Variants in LPP observed in about 807,000 individuals in gnomAD.
LPP encodes the protein LIM domain containing preferred translocation partner in lipoma.
A neutral mutation model predicts 60.4 loss-of-function variants in LPP; 38 were observed. That is an observed-to-expected ratio of 0.63 (90% confidence interval 0.49 to 0.83). The LOEUF is 0.83. LPP is among the 40% of genes least tolerant of loss of function. The pLI is 0.00. For missense variants in LPP, 902 were observed against 783.6 expected (o/e 1.15, Z -1.80); for synonymous variants, 328 against 290.8 (o/e 1.13, Z -1.30).
intron 7 of LPP, among the ~76,000 whole-genome samples, chr3:188,623,936 G>C (rs1330170946): frequency 6.6e-6 from 1 of 152,116 alleles, no homozygotes; most frequent in African/African-American, 2.4e-5. Context: ...AAGTACCTAT[G>C]AATCAACCGG....
chr3:188,284,639 G>A (rs1024376172), intron 2 of LPP, among the ~76,000 whole-genome samples: 3 of 152,320 alleles, frequency 2.0e-5, no homozygotes, highest in African/African-American at 4.8e-5. Flanking sequence ...ACCCACATAC[G>A]TGCATGTGTG....
Position 188,352,755 on chromosome 3 carries a change from T to G in LPP, c.-10+11036T>G, listed in dbSNP as rs945822998. ...GAGTGCGCACTTCAGTCCTGAAAGC[T>G]GCAGAGGGATGGGCTGGTGACACTG... On this transcript the variant is annotated intron_variant, in intron 3 of 11. Coordinates refer to ENST00000617246, the MANE Select transcript of LPP (RefSeq NM_001375462.1). The surrounding 1 kb of genome is among the most constrained non-coding windows in gnomAD (Gnocchi z 4.4). Among the ~76,000 whole-genome samples, 1 of 152,110 alleles carries G rather than the reference T, an allele frequency of 6.6e-6. No homozygotes were observed. Among genetic ancestry groups the G allele is most frequent in the African/African-American group, 2.4e-5 (1 of 41,412 alleles).
chr3:188,511,107 CTT>C (rs1815387432), intron 5 of LPP, among the ~76,000 whole-genome samples: 1 of 122,026 alleles, frequency 8.2e-6, no homozygotes, highest in Non-Finnish European at 1.7e-5. Context: ...TCCCTCCCTC[CTT>C]CCTCCTTCCT....
chr3:188,794,529 T>C (rs1264856115), intron 9 of LPP, among the ~76,000 whole-genome samples: 1 of 151,922 alleles, frequency 6.6e-6, no homozygotes, highest in Non-Finnish European at 1.5e-5. Context: ...AAGGGGCAAA[T>C]AGAAAAAAAG....
At chr3:188,464,683 C>T (rs1799929862) in intron 4 of LPP, among the ~76,000 whole-genome samples, 1 of 152,110 alleles carries the variant, frequency 6.6e-6, no homozygotes, top group African/African-American at 2.4e-5. Flanking sequence ...ATATCATTGA[C>T]TACAAGGATG....
intron 9 of LPP, among the ~76,000 whole-genome samples, chr3:188,817,238 A>G (rs574853183): frequency 2.0e-5 from 3 of 152,292 alleles, no homozygotes; most frequent in African/African-American, 7.2e-5. Flanking sequence ...GGGTTGGAGT[A>G]GAATCTGGTG....
At chr3:188,731,376 G>A (rs765760951) in intron 8 of LPP, among the ~76,000 whole-genome samples, 1 of 152,114 alleles carries the variant, frequency 6.6e-6, no homozygotes, top group Admixed American at 6.5e-5. Context: ...GAAGCTCCTG[G>A]ATTATCTGGG....
chr3:188,195,257 C>CA (rs768996904), intron 1 of LPP, among the ~76,000 whole-genome samples: 8,000 of 131,646 alleles, frequency 0.061, 297 homozygotes, highest in Non-Finnish European at 0.089. Flanking sequence ...GAGACTCTGT[C>CA]AAAAAAAAAA....
intron 7 of LPP, among the ~76,000 whole-genome samples, chr3:188,701,822 A>T (rs1017852585): frequency 2.6e-5 from 4 of 151,752 alleles, no homozygotes; most frequent in Non-Finnish European, 2.9e-5. Context: ...CTTCAGAAGC[A>T]TGACTTTCAT....
At chr3:188,377,955 G>T (rs936536492) in intron 3 of LPP, among the ~76,000 whole-genome samples, 7 of 152,186 alleles carry the variant, frequency 4.6e-5, no homozygotes, top group African/African-American at 1.7e-4. Context: ...GTCTGTTGGA[G>T]TTTGCTAGAG....
chr3:188,496,865 C>G (rs905396609), intron 5 of LPP, among the ~76,000 whole-genome samples: 6 of 152,040 alleles, frequency 3.9e-5, no homozygotes, highest in African/African-American at 1.4e-4. Flanking sequence ...GTGTACAGAC[C>G]TGTTAAATGG....
At chr3:188,866,409 G>T (rs766909856) in intron 10 of LPP, 31 bp downstream of exon 10, 1 of 1,404,300 alleles carries the variant, frequency 7.1e-7, no homozygotes, top group Non-Finnish European at 9.4e-7. Flanking sequence ...TCACCACCCT[G>T]CCAGTCCTTT....
chr3:188,408,108 T>C (rs1435028381), intron 4 of LPP, among the ~76,000 whole-genome samples: 1 of 152,084 alleles, frequency 6.6e-6, no homozygotes, highest in Non-Finnish European at 1.5e-5. Flanking sequence ...TTTTCAATGT[T>C]TCCCTTTGTC....
intron 7 of LPP, among the ~76,000 whole-genome samples, chr3:188,655,794 T>A (rs1421052939): frequency 6.6e-6 from 1 of 152,188 alleles, no homozygotes; most frequent in East Asian, 1.9e-4. Context: ...ATAATCCTGA[T>A]ACCATTTTGA....
rs1770401043 is a variant in LPP, at chr3:188,884,243, G to A, written c.*9764G>A. ...CCAAAAGCTGTGACATAGCTGGGAA[G>A]TGGCAGATTTGGGGATATAACCAGG... On this transcript the variant is annotated 3_prime_UTR_variant, in exon 12 of 12. Transcript: ENST00000617246. The A allele has an allele frequency of 4.3e-6, 1 of 230,088 alleles. No individual in the cohort carries two copies. The highest frequency in any genetic ancestry group is 8.6e-6 in the Non-Finnish European group (1 of 116,136). 14.3% of individuals were successfully genotyped at this position (230,088 alleles called of 1,614,324 possible).
At chr3:188,466,804 AAC>A (rs775766147) in intron 4 of LPP, among the ~76,000 whole-genome samples, 4,388 of 72,814 alleles carry the variant, frequency 0.06, 765 homozygotes, top group East Asian at 0.18. Flanking sequence ...GTCATCTCAG[AAC>A]ATATATATAT....
Position 188,609,806 on chromosome 3 carries a change from C to T in LPP, c.1075C>T (p.Pro359Ser). The part of the protein sequence containing the change: ...TGPKKTYITD[P>S]VSAPCAPPLQ... ...TCCCAAGAAGACCTATATCACAGAT[C>T]CTGTTTCAGCCCCCTGTGCGCCACC... Residue 359 changes from proline (P) to serine (S), a missense_variant, in exon 7 of 12, where the codon CCT becomes TCT. Physicochemically the swap from Pro to Ser is moderately conservative, Grantham distance 74. Transcript: ENST00000617246. This position sits in a 1 kb window ranked among gnomAD's most constrained non-coding sequence, Gnocchi z 6.9. 1 of 1,613,494 alleles carries T rather than the reference C, an allele frequency of 6.2e-7. No homozygotes were observed. The highest frequency in any genetic ancestry group is 8.5e-7 in the Non-Finnish European group (1 of 1,179,810).
At chr3:188,845,990 C>G (rs1048400820) in intron 9 of LPP, among the ~76,000 whole-genome samples, 1 of 152,242 alleles carries the variant, frequency 6.6e-6, no homozygotes, top group Admixed American at 6.5e-5. Context: ...AGGATTCACA[C>G]TATTAATCTC....
In LPP at chr3:188,609,876, A is replaced by G; in HGVS notation, c.1113+32A>G. 1 of 1,568,972 alleles carries G rather than the reference A, an allele frequency of 6.4e-7. No homozygotes were observed. ...AACTCAGTAACATAAGGAGGAGAAT[A>G]CAGGGGTGCCTATCTTAGTCTGCCT... On this transcript the variant is annotated intron_variant, in intron 7 of 11. Coordinates refer to ENST00000617246, the MANE Select transcript of LPP (RefSeq NM_001375462.1). The surrounding 1 kb of genome is among the most constrained non-coding windows in gnomAD (Gnocchi z 6.9).
Sources: gnomAD v4.1 joint callset for allele counts (sites outside exome capture counted in the v4.1 genomes callset) on GRCh38, gnomAD v4.1.1 for gene constraint, Gnocchi (gnomAD v3.1) non-coding constraint, MANE v1.5 for transcripts, NCBI Gene and HGNC (gene_info 2026-07-23, HGNC 2026-07-21) for gene names.